ARSB: variants seen among roughly 807,000 people sequenced by gnomAD.
The protein encoded by ARSB is arylsulfatase B.
ARSB carries 41 observed loss-of-function variants against 50.9 expected under a neutral mutation model. That is an observed-to-expected ratio of 0.81 (90% confidence interval 0.63 to 1.04). The LOEUF is 1.04. Among genes scored for constraint, ARSB ranks in the 50% least tolerant of loss-of-function variants. The probability of loss-of-function intolerance (pLI) is 0.00; values close to 1 mark genes in which losing one functional copy is unlikely to be tolerated. For missense variants in ARSB, 672 were observed against 693.3 expected (o/e 0.97, Z 0.35); for synonymous variants, 269 against 284.8 (o/e 0.94, Z 0.56).
chr5:78,928,305 C>CTTTTTTTTTTT (rs34737292), intron 4 of ARSB, among the ~76,000 whole-genome samples: 2 of 72,576 alleles, frequency 2.8e-5, no homozygotes, highest in Non-Finnish European at 5.2e-5. Context: ...TTTGCTTTTG[C>CTTTTTTTTTTT]TTTTTTTTTT....
At chr5:78,878,799 T>TA (rs952141550) in intron 5 of ARSB, among the ~76,000 whole-genome samples, 29 of 152,196 alleles carry the variant, frequency 1.9e-4, no homozygotes, top group African/African-American at 7.0e-4. Context: ...TATGACATCT[T>TA]AAAGTGTTTC....
intron 5 of ARSB, among the ~76,000 whole-genome samples, chr5:78,869,305 A>C (rs1458515355): frequency 7.8e-6 from 1 of 128,416 alleles, no homozygotes; most frequent in African/African-American, 2.9e-5. Context: ...GCTCTGCACC[A>C]AGCGGACCTA....
intron 5 of ARSB, among the ~76,000 whole-genome samples, chr5:78,875,468 G>T (rs897688272): frequency 2.6e-5 from 4 of 151,860 alleles, no homozygotes; most frequent in Non-Finnish European, 4.4e-5. Context: ...TTCTGCTCAA[G>T]ATGCTGTAGA....
At chr5:78,799,760 G>T (rs1243368279) in intron 6 of ARSB, among the ~76,000 whole-genome samples, 1 of 152,216 alleles carries the variant, frequency 6.6e-6, no homozygotes, top group Non-Finnish European at 1.5e-5. Context: ...AAAGGTGTAG[G>T]TGAGCAGAAC....
chr5:78,797,221 G>T (rs1024519315), intron 6 of ARSB, among the ~76,000 whole-genome samples: 1 of 151,982 alleles, frequency 6.6e-6, no homozygotes, highest in African/African-American at 2.4e-5. Flanking sequence ...CTTGGTCTCC[G>T]AAAGTGCCGG....
In ARSB at chr5:78,968,847, G is replaced by A. The variant is rs548274769; in HGVS notation, c.499+159C>T. On this transcript the variant is annotated intron_variant, in intron 2 of 7. Coordinates refer to ENST00000264914, the MANE Select transcript of ARSB (RefSeq NM_000046.5). ...CACCATAAGGTCAGCACAGAGCCCT[G>A]TTTACAGAGGTAACATTAGAAAGCA... 3.3e-5 allele frequency among the ~76,000 whole-genome samples: 5 copies of A among 152,272 alleles called. No homozygotes were observed. In the South Asian group the frequency reaches 1.0e-3, roughly 32 times the overall value.
At chr5:78,814,475 C>T (rs58923070) in intron 6 of ARSB, among the ~76,000 whole-genome samples, 6,275 of 150,866 alleles carry the variant, frequency 0.042, 776 homozygotes, top group African/African-American at 0.14. Context: ...AAAGCTACTG[C>T]GCCTTTATTT....
chr5:78,855,288 C>T (rs1028890555), intron 5 of ARSB, among the ~76,000 whole-genome samples: 12 of 152,302 alleles, frequency 7.9e-5, no homozygotes, highest in Admixed American at 3.3e-4. Flanking sequence ...GGCACCATTT[C>T]CCTAGGATGC....
At chr5:78,901,166 C>A (rs758412765) in intron 4 of ARSB, among the ~76,000 whole-genome samples, 1 of 152,032 alleles carries the variant, frequency 6.6e-6, no homozygotes, top group African/African-American at 2.4e-5. Context: ...CTGGTCCAAC[C>A]AGATAATCCA....
At chr5:78,841,460 A>T (rs976490300) in intron 5 of ARSB, among the ~76,000 whole-genome samples, 19 of 152,208 alleles carry the variant, frequency 1.2e-4, no homozygotes, top group African/African-American at 4.6e-4. Flanking sequence ...AAAGCTACTG[A>T]TTAAATTTAG....
chr5:78,961,315 A>G (rs1187885754), intron 3 of ARSB, among the ~76,000 whole-genome samples: 2 of 152,236 alleles, frequency 1.3e-5, no homozygotes, highest in Admixed American at 1.3e-4. Flanking sequence ...TGTCTTAAAC[A>G]TTCTTGGGTT....
intron 1 of ARSB, among the ~76,000 whole-genome samples, chr5:78,982,416 G>A (rs1295371885): frequency 6.6e-6 from 1 of 152,222 alleles, no homozygotes; most frequent in African/African-American, 2.4e-5. Context: ...ATTTAGGAAT[G>A]ACCCAAATGT....
chr5:78,828,943 A>C (rs528843417), intron 6 of ARSB, among the ~76,000 whole-genome samples: 119 of 152,384 alleles, frequency 7.8e-4, no homozygotes, highest in African/African-American at 2.8e-3. Context: ...GAGGCAGAAC[A>C]GGTCAGACAA....
In ARSB at chr5:78,955,415, C is replaced by A; in HGVS notation, c.778G>T (p.Asp260Tyr). Residue 260 changes from aspartate (D) to tyrosine (Y), a missense_variant, in exon 4 of 8, where the codon GAC becomes TAC. By Grantham distance (160) the Asp-to-Tyr change is radical. Coordinates refer to ENST00000264914, the MANE Select transcript of ARSB (RefSeq NM_000046.5). ...EYLKPYDFIQ[D>Y]KNRHHYAGMV... ...CCTGCATAGTGATGCCTGTTCTTGT[C>A]TTGGATAAAGTCATATGGCTTCAAG... The A allele has an allele frequency of 6.2e-7, 1 of 1,614,160 alleles. No individual in the cohort carries two copies. Among genetic ancestry groups the A allele is most frequent in the Non-Finnish European group, 8.5e-7 (1 of 1,180,020 alleles).
chr5:78,935,553 G>GA (rs1453829268), intron 4 of ARSB, among the ~76,000 whole-genome samples: 1 of 152,280 alleles, frequency 6.6e-6, no homozygotes, highest in East Asian at 1.9e-4. Flanking sequence ...ATAAGCATAG[G>GA]TAGTAGCAAA....
chr5:78,890,578 G>A (rs906191565), intron 4 of ARSB, among the ~76,000 whole-genome samples: 4 of 152,004 alleles, frequency 2.6e-5, no homozygotes, highest in Admixed American at 1.3e-4. Flanking sequence ...TTTATATACC[G>A]CTTCAAGTTC....
At position 78,780,649 on chromosome 5, in the gene ARSB, C is replaced by T; in HGVS notation, c.1350G>A (p.Trp450Ter). ...LLTGYPGCGY[W>*]FPPPSQYNVS... ...CATTGTATTGAGACGGTGGAGGGAA[C>T]CAGTAACCACAGCCTAGCAAAGAAA... The change falls in exon 8 of 8, where the codon TGG becomes TGA. Residue 450 changes from tryptophan to a stop codon, truncating the protein, a stop_gained. Transcript: ENST00000264914. LOFTEE classifies it high-confidence loss of function. The T allele has an allele frequency of 6.2e-7, 1 of 1,613,978 alleles. No homozygotes were observed. Among genetic ancestry groups the T allele is most frequent in the Non-Finnish European group, 8.5e-7 (1 of 1,179,980 alleles).
intron 4 of ARSB, among the ~76,000 whole-genome samples, chr5:78,950,199 C>A (rs1751438549): frequency 6.6e-6 from 1 of 152,118 alleles, no homozygotes; most frequent in Non-Finnish European, 1.5e-5. Context: ...GGACCACTAC[C>A]CTGCGAAAAC....
At chr5:78,843,326 C>T (rs897769667) in intron 5 of ARSB, among the ~76,000 whole-genome samples, 6 of 152,168 alleles carry the variant, frequency 3.9e-5, no homozygotes, top group African/African-American at 7.2e-5. Context: ...GGAAGCCTCC[C>T]GGAGTCCTTC....
Sources: allele counts gnomAD v4.1 joint callset (sites outside exome capture counted in the v4.1 genomes callset), GRCh38; gene constraint gnomAD v4.1.1; transcripts MANE v1.5; gene names NCBI Gene and HGNC (gene_info 2026-07-23, HGNC 2026-07-21).